Variants in COL26A1 observed in about 807,000 individuals in gnomAD.
The protein encoded by COL26A1 is collagen type XXVI alpha 1 chain.
COL26A1 carries 41 observed loss-of-function variants against 59.3 expected under a neutral mutation model. The ratio of observed to expected loss-of-function variants is 0.69; its 90% CI spans 0.54 to 0.90. COL26A1 has a LOEUF of 0.90. Ranked by LOEUF, COL26A1 falls within the 40% of genes least tolerant of loss-of-function variation. The probability of loss-of-function intolerance (pLI) is 0.00; values close to 1 mark genes in which losing one functional copy is unlikely to be tolerated. For missense variants in COL26A1, 612 were observed against 602.3 expected (o/e 1.02, Z -0.17); for synonymous variants, 266 against 256.0 (o/e 1.04, Z -0.37).
In COL26A1 at chr7:101,448,965, A is replaced by G. The variant is rs965658968; in HGVS notation, c.385+1178A>G. 3.3e-5 allele frequency among the ~76,000 whole-genome samples: 5 copies of G among 152,364 alleles called. No individual in the cohort carries two copies. In the East Asian group the frequency reaches 9.6e-4, roughly 29 times the overall value. On this transcript the variant is annotated intron_variant, in intron 3 of 12. Coordinates refer to ENST00000313669, the MANE Select transcript of COL26A1 (RefSeq NM_001278563.3). ...GGTTACAAAGAATAACGCAATTGAC[A>G]GAAATAGAGACTCTGACAATTGCTT... is the stretch of plus-strand genomic sequence containing the variant.
intron 11 of COL26A1, 74 bp from the exon 12 acceptor site, chr7:101,555,713 C>T: frequency 9.2e-7 from 1 of 1,092,234 alleles, no homozygotes; most frequent in South Asian, 1.4e-5. Context: ...GACACATACA[C>T]TGTCACTGTA....
At chr7:101,553,274 A>G in intron 10 of COL26A1, 52 bp from the exon 11 acceptor site, 2 of 1,510,464 alleles carry the variant, frequency 1.3e-6, no homozygotes, top group Non-Finnish European at 1.8e-6. Flanking sequence ...GAGAGGGTGG[A>G]GAGGTGCCCC....
At chr7:101,516,107 T>A (rs1476539639) in intron 3 of COL26A1, among the ~76,000 whole-genome samples, 1 of 152,198 alleles carries the variant, frequency 6.6e-6, no homozygotes, top group African/African-American at 2.4e-5. Context: ...AGCCCTGGGT[T>A]GGCCACCATT....
At chr7:101,505,548 C>G (rs578115833) in intron 3 of COL26A1, among the ~76,000 whole-genome samples, 1 of 152,160 alleles carries the variant, frequency 6.6e-6, no homozygotes, top group African/African-American at 2.4e-5. Flanking sequence ...GCAAGGAAGC[C>G]AGTCCGAGTT....
At chr7:101,363,267 G>C in intron 1 of COL26A1, 77 bp downstream of exon 1, 1 of 1,244,472 alleles carries the variant, frequency 8.0e-7, no homozygotes, top group Non-Finnish European at 1.1e-6. Flanking sequence ...CTGGGTGGCT[G>C]GAGCGAGGCT....
intron 1 of COL26A1, among the ~76,000 whole-genome samples, chr7:101,376,899 C>T (rs1399978486): frequency 1.3e-5 from 2 of 152,084 alleles, no homozygotes; most frequent in Non-Finnish European, 2.9e-5. Context: ...GGCTCTGTCA[C>T]CCAGACTAGA....
intron 1 of COL26A1, among the ~76,000 whole-genome samples, chr7:101,396,998 G>A (rs1791870899): frequency 6.6e-6 from 1 of 152,162 alleles, no homozygotes; most frequent in Non-Finnish European, 1.5e-5. Context: ...AGAGGTGGGG[G>A]AATGAGGAGC....
chr7:101,384,901 C>A (rs111419895), intron 1 of COL26A1, among the ~76,000 whole-genome samples: 48 of 152,166 alleles, frequency 3.2e-4, no homozygotes, highest in African/African-American at 1.2e-3. Context: ...GTCTGAAAGC[C>A]CCTGGCAAAC....
intron 2 of COL26A1, among the ~76,000 whole-genome samples, chr7:101,420,403 G>T (rs1792484996): frequency 6.6e-6 from 1 of 152,140 alleles, no homozygotes; most frequent in Non-Finnish European, 1.5e-5. Flanking sequence ...AGGCCAGGTG[G>T]GGTTGAAGAG....
rs114118577 is a variant in COL26A1, at chr7:101,430,956, G to A, written c.281+10857G>A. On this transcript the variant is annotated intron_variant, in intron 2 of 12. Coordinates refer to ENST00000313669, the MANE Select transcript of COL26A1 (RefSeq NM_001278563.3). ...TTACAGGTGGCCCACCACCATGCCCGCTAATTTTTTTTATTTTTTATTTTT... is the reference window on the plus strand; with the variant it reads ...TTACAGGTGGCCCACCACCATGCCCACTAATTTTTTTTATTTTTTATTTTT... Among the ~76,000 whole-genome samples the A allele has an allele frequency of 7.7e-3, 1,164 of 151,928 alleles. 15 individuals are homozygous for A. Among genetic ancestry groups the A allele is most frequent in the African/African-American group, 0.027 (1,119 of 41,444 alleles).
intron 2 of COL26A1, among the ~76,000 whole-genome samples, chr7:101,426,528 A>G (rs1045094870): frequency 6.6e-6 from 1 of 152,080 alleles, no homozygotes; most frequent in Non-Finnish European, 1.5e-5. Flanking sequence ...TGTCCCAAAA[A>G]AGAGAGGAAG....
At chr7:101,392,594 G>C (rs1468755269) in intron 1 of COL26A1, among the ~76,000 whole-genome samples, 3 of 151,734 alleles carry the variant, frequency 2.0e-5, no homozygotes, top group Non-Finnish European at 4.4e-5. Context: ...TAGAGATGGG[G>C]TTTCACCACA....
intron 3 of COL26A1, among the ~76,000 whole-genome samples, chr7:101,530,195 C>A (rs924683632): frequency 6.6e-6 from 1 of 151,944 alleles, no homozygotes; most frequent in Admixed American, 6.6e-5. Flanking sequence ...ACAAATGGAA[C>A]CCTGTTCATT....
intron 1 of COL26A1, among the ~76,000 whole-genome samples, chr7:101,390,062 T>C (rs1051516473): frequency 6.6e-6 from 1 of 152,040 alleles, no homozygotes; most frequent in Non-Finnish European, 1.5e-5. Flanking sequence ...CTGGGCTTTT[T>C]TTGGGTGTCA....
chr7:101,553,485 T>G, intron 11 of COL26A1, 109 bp downstream of exon 11: 1 of 1,085,274 alleles, frequency 9.2e-7, no homozygotes, highest in Non-Finnish European at 1.3e-6. Context: ...AGCCCCGAGC[T>G]GGGTGCTGGG....
intron 2 of COL26A1, among the ~76,000 whole-genome samples, chr7:101,439,114 C>T (rs73712159): frequency 0.015 from 2,228 of 152,220 alleles, 68 homozygotes; most frequent in African/African-American, 0.051. Context: ...CTAGGAGGAC[C>T]ACCCCACCTT....
intron 3 of COL26A1, among the ~76,000 whole-genome samples, chr7:101,456,893 C>T (rs762409631): frequency 2.4e-4 from 37 of 152,040 alleles, no homozygotes; most frequent in Admixed American, 1.6e-3. Flanking sequence ...AAGTCTCTAC[C>T]CCAGTGTAAT....
intron 1 of COL26A1, among the ~76,000 whole-genome samples, chr7:101,413,857 C>T (rs1473290120): frequency 2.0e-5 from 3 of 152,166 alleles, no homozygotes. Flanking sequence ...GTGAAAGGGA[C>T]ATGTGTCTCC....
At chr7:101,460,744 G>T (rs1216215749) in intron 3 of COL26A1, among the ~76,000 whole-genome samples, 3 of 151,490 alleles carry the variant, frequency 2.0e-5, no homozygotes, top group East Asian at 3.9e-4. Flanking sequence ...TCATGTCACT[G>T]CACTCCAGCC....
Sources: gnomAD v4.1 joint callset for allele counts (sites outside exome capture counted in the v4.1 genomes callset) on GRCh38, gnomAD v4.1.1 for gene constraint, MANE v1.5 for transcripts, NCBI Gene and HGNC (gene_info 2026-07-23, HGNC 2026-07-21) for gene names.